CDC42BPG: variants seen among roughly 807,000 people sequenced by gnomAD.
CDC42BPG encodes the protein serine/threonine-protein kinase MRCK gamma.
A neutral mutation model predicts 192.2 loss-of-function variants in CDC42BPG; 157 were observed. That is an observed-to-expected ratio of 0.82 (90% CI 0.72 to 0.93). CDC42BPG has a LOEUF of 0.93. CDC42BPG is among the 40% of genes least tolerant of loss of function. The pLI is 0.00. For missense variants in CDC42BPG, 1,992 were observed against 2,122.1 expected (o/e 0.94, Z 1.20); for synonymous variants, 981 against 918.5 (o/e 1.07, Z -1.23).
chr11:64,831,777 C>T, intron 27 of CDC42BPG, 56 bp from the exon 28 acceptor site: 1 of 1,470,386 alleles, frequency 6.8e-7, no homozygotes. Context: ...TGTCCTCCCT[C>T]CCTTCCTGCC....
chr11:64,840,414 G>A (rs1005844753), intron 4 of CDC42BPG, 139 bp downstream of exon 4: 136 of 1,383,986 alleles, frequency 9.8e-5, no homozygotes, highest in Non-Finnish European at 1.3e-4. Context: ...GGCAGGAGGC[G>A]CCAAGCCCAG....
At position 64,829,522 on chromosome 11, in the gene CDC42BPG, G is replaced by A. The variant is rs56068007; in HGVS notation, c.3916C>T (p.Arg1306Cys). 346 of 1,612,822 alleles carry A rather than the reference G, an allele frequency of 2.1e-4. No individual in the cohort carries two copies. The highest frequency in any genetic ancestry group is 4.9e-4 in the Middle Eastern group (3 of 6,084). ...AACAGCTCGTGGCCACGAGACTTGCGGCCTGCGCCATCCACGTAGATGCCA... is the reference window on the plus strand; with the variant it reads ...AACAGCTCGTGGCCACGAGACTTGCAGCCTGCGCCATCCACGTAGATGCCA... ...TAGIYVDGAG[R>C]KSRGHELLWP... Residue 1306 changes from arginine to cysteine, a missense_variant, in exon 30 of 37, where the codon CGC (arginine) becomes TGC (cysteine). By Grantham distance (180) the Arg-to-Cys change is radical (BLOSUM62 -3). Transcript: ENST00000342711.
chr11:64,829,620 C>T lies in CDC42BPG; in HGVS notation c.3818G>A (p.Arg1273His), dbSNP rs766102924. 11 of 1,611,564 alleles carry T rather than the reference C, an allele frequency of 6.8e-6. No homozygotes were observed. Among genetic ancestry groups the T allele is most frequent in the Non-Finnish European group, 8.5e-6 (10 of 1,179,352 alleles). The change falls in exon 30 of 37, where the codon CGC (arginine) becomes CAC (histidine). Residue 1273 changes from arginine (R) to histidine (H), a missense_variant. Arg to His is a conservative substitution (Grantham distance 29). Coordinates refer to ENST00000342711, the MANE Select transcript of CDC42BPG (RefSeq NM_017525.3). ...GLVPEELPPS[R>H]GGLGEALGAV... Reference sequence around the variant, plus strand: ...ACCCAGTGCCTCACCCAGGCCCCCGCGGGATGGTGGCAGCTCCTCAGGCAC... The same window carrying T: ...ACCCAGTGCCTCACCCAGGCCCCCGTGGGATGGTGGCAGCTCCTCAGGCAC...
At chr11:64,825,487 T>C (rs1650138693) in intron 36 of CDC42BPG, among the ~76,000 whole-genome samples, 2 of 152,116 alleles carry the variant, frequency 1.3e-5, no homozygotes, top group Non-Finnish European at 2.9e-5. Context: ...GTGGGTCACC[T>C]GGAGGGCAGT....
Position 64,833,332 on chromosome 11 carries a change from C to A in CDC42BPG, c.2630G>T (p.Gly877Val). Residue 877 changes from glycine to valine, a missense_variant, in exon 24 of 37, where the codon GGC (glycine) becomes GTC (valine). This residue lies in a region of CDC42BPG where 1,656 missense variants were observed against 1,844.3 expected (regional missense o/e 0.90). Coordinates refer to ENST00000342711, the MANE Select transcript of CDC42BPG (RefSeq NM_017525.3). ...GCTCCGGGGGCGCAGCGTGTGTGAGCCGGGCTGGGGAGGGGGACAGCCATT... is the reference window on the plus strand; with the variant it reads ...GCTCCGGGGGCGCAGCGTGTGTGAGACGGGCTGGGGAGGGGGACAGCCATT... ...ASTEGLPAKP[G>V]SHTLRPRSFP... is the part of the protein sequence containing the mutation. 1 of 1,507,748 alleles carries A rather than the reference C, an allele frequency of 6.6e-7. No homozygotes were observed. Among genetic ancestry groups the A allele is most frequent in the South Asian group, 1.2e-5 (1 of 80,430 alleles). 93.4% of individuals were successfully genotyped at this position (1,507,748 alleles called of 1,614,324 possible).
intron 30 of CDC42BPG, among the ~76,000 whole-genome samples, chr11:64,829,062 AAAC>A (rs926432279): frequency 1.3e-5 from 2 of 152,068 alleles, no homozygotes; most frequent in African/African-American, 4.8e-5. Context: ...AAACAAAACA[AAAC>A]AAAAATTAGC....
intron 27 of CDC42BPG, 24 bp downstream of exon 27, chr11:64,832,404 C>G (rs1389290834): frequency 1.9e-6 from 3 of 1,606,902 alleles, no homozygotes; most frequent in Non-Finnish European, 2.6e-6. Flanking sequence ...ATGGTGGCTG[C>G]TCCATCTCAT....
chr11:64,826,584 A>T, intron 35 of CDC42BPG, 29 bp from the exon 36 acceptor site: 1 of 1,597,312 alleles, frequency 6.3e-7, no homozygotes, highest in Admixed American at 1.8e-5. Context: ...AGGAGACAAA[A>T]ATACCAAGAT....
In CDC42BPG at chr11:64,829,956, G is replaced by T. The variant is rs774031724; in HGVS notation, c.3482C>A (p.Ala1161Glu). The change falls in exon 30 of 37, where the codon GCG (alanine) becomes GAG (glutamate). Residue 1161 changes from alanine (A) to glutamate (E), a missense_variant. By Grantham distance (107) the Ala-to-Glu change is moderately radical (BLOSUM62 -1). Transcript: ENST00000342711. ...RGPSVRLFAL[A>E]ELENIEVAGA... The stretch of plus-strand genomic sequence containing the variant: ...TGCTACCTCTATGTTCTCCAGCTCC[G>T]CCAGGGCAAAGAGACGCACGCTGGG... 4 of 1,612,284 alleles carry T rather than the reference G, an allele frequency of 2.5e-6. No individual in the cohort carries two copies. Among genetic ancestry groups the T allele is most frequent in the African/African-American group, 2.7e-5 (2 of 74,886 alleles).
chr11:64,835,486 G>A lies in CDC42BPG; in HGVS notation c.1880+14C>T. ...CAGGCCCGGCCCCTCCCTGCCACCA[G>A]CTGCCTGGCTCACCTGTGGCTGTGG... On this transcript the variant is annotated intron_variant, in intron 15 of 36. Coordinates refer to ENST00000342711, the MANE Select transcript of CDC42BPG (RefSeq NM_017525.3). 7 of 1,605,644 alleles carry A rather than the reference G, an allele frequency of 4.4e-6. No individual in the cohort carries two copies. The highest frequency in any genetic ancestry group is 5.1e-6 in the Non-Finnish European group (6 of 1,177,528).
intron 9 of CDC42BPG, among the ~76,000 whole-genome samples, chr11:64,837,862 C>T (rs576370292): frequency 6.6e-6 from 1 of 152,346 alleles, no homozygotes; most frequent in African/African-American, 2.4e-5. Flanking sequence ...CCTCGACCTT[C>T]GTGGAAGGCG....
In CDC42BPG at chr11:64,831,585, G is replaced by A. The variant is rs55871982; in HGVS notation, c.3224C>T (p.Pro1075Leu). The A allele has an allele frequency of 1.9e-6, 3 of 1,612,452 alleles. No individual in the cohort carries two copies. The highest frequency in any genetic ancestry group is 8.5e-7 in the Non-Finnish European group (1 of 1,179,924). The change falls in exon 28 of 37, where the codon CCC becomes CTC. Residue 1075 changes from proline (P) to leucine (L), a missense_variant. By Grantham distance (98) the Pro-to-Leu change is moderately conservative. Transcript: ENST00000342711. ...QRLLLDARPR[P>L]RPVYTLKEAY... ...CTCCTTGAGTGTGTACACGGGCCGG[G>A]GTCTTGGCCGCGCGTCCAGCAGCAG...
At chr11:64,826,107 T>C (rs1011185572) in intron 36 of CDC42BPG, among the ~76,000 whole-genome samples, 17 of 150,684 alleles carry the variant, frequency 1.1e-4, no homozygotes, top group African/African-American at 4.1e-4. Context: ...GCTCCCCTTC[T>C]GTGGCACCTT....
At chr11:64,827,636 G>A in intron 31 of CDC42BPG, 25 bp from the exon 32 acceptor site, 5 of 1,607,008 alleles carry the variant, frequency 3.1e-6, no homozygotes, top group Non-Finnish European at 4.3e-6. Context: ...ACAGCGGTCA[G>A]GCCACGCCTC....
At position 64,827,716 on chromosome 11, in the gene CDC42BPG, T is replaced by C. The variant is rs1401563942; in HGVS notation, c.4035A>G (p.Ala1345=). The C allele has an allele frequency of 1.9e-6, 3 of 1,613,356 alleles. No individual in the cohort carries two copies. The highest frequency in any genetic ancestry group is 2.2e-5 in the South Asian group (2 of 90,960). ...TGAGCGGCACGGTCTGCACCCATTC[T>C]GCCCTCCTCACGTCAAACACATCGA... ...NSIDVFDVRR[A]EWVQTVPLKK... is the part of the protein sequence containing the mutation. The change falls in exon 31 of 37, where the codon GCA becomes GCG. Residue 1345 remains alanine (A), a synonymous_variant. Coordinates refer to ENST00000342711, the MANE Select transcript of CDC42BPG (RefSeq NM_017525.3).
rs763217108 is a variant in CDC42BPG, at chr11:64,835,306, TGTCC to T, written c.1953+37_1953+40del. On this transcript the variant is annotated intron_variant, in intron 16 of 36. Transcript: ENST00000342711. ...CCCCTCAACTGGCTCCCCATTGCCT[TGTCC>T]GTCTGTTGTACCCTCCGTCTGTTGT... 4.3e-6 allele frequency: 7 copies of T among 1,612,774 alleles called. No homozygotes were observed. The South Asian group carries it at 6.6e-5, about 15-fold the overall frequency.
At chr11:64,829,254 G>A (rs905565810) in intron 30 of CDC42BPG, among the ~76,000 whole-genome samples, 1 of 152,208 alleles carries the variant, frequency 6.6e-6, no homozygotes, top group East Asian at 1.9e-4. Context: ...AGAAACAAAA[G>A]GAGAGCGGCT....
At position 64,842,707 on chromosome 11, in the gene CDC42BPG, G is replaced by T. The variant is rs150775657; in HGVS notation, c.161-803C>A. 4.1e-3 allele frequency among the ~76,000 whole-genome samples: 622 copies of T among 152,282 alleles called. 5 individuals are homozygous for T. The highest frequency in any genetic ancestry group is 0.028 in the South Asian group (134 of 4,824). On this transcript the variant is annotated intron_variant, in intron 1 of 36. Coordinates refer to ENST00000342711, the MANE Select transcript of CDC42BPG (RefSeq NM_017525.3). ...TTCCTCACATCCCAGATACCTCCAG[G>T]AAGGGCAACTCCAGCCACTCCCAGG...
intron 1 of CDC42BPG, 60 bp from the exon 2 acceptor site, chr11:64,841,964 A>G: frequency 7.3e-7 from 1 of 1,373,396 alleles, no homozygotes; most frequent in Non-Finnish European, 1.0e-6. Flanking sequence ...TCCCCCTCTC[A>G]CCTTGGGCAA....
Sources: allele counts gnomAD v4.1 joint callset (sites outside exome capture counted in the v4.1 genomes callset), GRCh38; gene constraint gnomAD v4.1.1; regional missense constraint gnomAD v4.1.1; transcripts MANE v1.5; gene names NCBI Gene and HGNC (gene_info 2026-07-23, HGNC 2026-07-21).